ATXN1: variants seen among roughly 807,000 people sequenced by gnomAD.
ATXN1 encodes the protein ataxin-1.
Under a neutral mutation model 56.4 loss-of-function variants are expected in ATXN1, and 8 were observed. The observed-to-expected ratio is 0.14, with a 90% confidence interval of 0.08 to 0.26. The LOEUF is 0.26. ATXN1 is among the 10% of genes least tolerant of loss of function. The probability of loss-of-function intolerance (pLI) is 1.00; values close to 1 mark genes in which losing one functional copy is unlikely to be tolerated. For missense variants in ATXN1, 987 were observed against 1,106.5 expected (o/e 0.89, Z 1.53); for synonymous variants, 514 against 494.6 (o/e 1.04, Z -0.52).
intron 4 of ATXN1, among the ~76,000 whole-genome samples, chr6:16,578,498 C>T (rs1388266103): frequency 6.6e-6 from 1 of 152,210 alleles, no homozygotes; most frequent in African/African-American, 2.4e-5. Flanking sequence ...TTCTCTGTCA[C>T]TGTTATTCCC....
intron 7 of ATXN1, among the ~76,000 whole-genome samples, chr6:16,320,468 G>C (rs1760622690): frequency 6.6e-6 from 1 of 152,132 alleles, no homozygotes; most frequent in Non-Finnish European, 1.5e-5. Flanking sequence ...AGAAGCAAAG[G>C]AACGTGTCAA....
chr6:16,534,651 G>A (rs1299017721), intron 4 of ATXN1, among the ~76,000 whole-genome samples: 1 of 151,922 alleles, frequency 6.6e-6, no homozygotes, highest in African/African-American at 2.4e-5. Flanking sequence ...CTACACCACT[G>A]GTCCATTTCC....
chr6:16,394,526 T>G (rs1758415484), intron 6 of ATXN1, among the ~76,000 whole-genome samples: 1 of 152,216 alleles, frequency 6.6e-6, no homozygotes, highest in South Asian at 2.1e-4. Context: ...TAGCATATTT[T>G]TCACTTCAAA....
intron 4 of ATXN1, among the ~76,000 whole-genome samples, chr6:16,532,159 A>G (rs1268397068): frequency 1.3e-5 from 2 of 152,210 alleles, no homozygotes; most frequent in South Asian, 2.1e-4. Flanking sequence ...CAGTTTGTCA[A>G]TACCTGGTCT....
At chr6:16,708,794 G>C (rs927912346) in intron 2 of ATXN1, among the ~76,000 whole-genome samples, 1 of 152,180 alleles carries the variant, frequency 6.6e-6, no homozygotes, top group Non-Finnish European at 1.5e-5. Context: ...GGGAGGCCAA[G>C]GCAGGTGGAA....
chr6:16,342,566 C>T (rs1761274409), intron 6 of ATXN1, among the ~76,000 whole-genome samples: 1 of 152,178 alleles, frequency 6.6e-6, no homozygotes, highest in African/African-American at 2.4e-5. Flanking sequence ...ATATTCCACA[C>T]CCGTGTTCAT....
In ATXN1 at chr6:16,693,844, C is replaced by G. The variant is rs377583106; in HGVS notation, c.-614-35943G>C. Among the ~76,000 whole-genome samples the G allele has an allele frequency of 2.0e-5, 3 of 152,134 alleles. No individual in the cohort carries two copies. The East Asian group carries it at 5.8e-4, about 29-fold the overall frequency. On this transcript the variant is annotated intron_variant, in intron 2 of 7. Coordinates refer to ENST00000436367, the MANE Select transcript of ATXN1 (RefSeq NM_001128164.2). ...CACAGGCTCTCTGGTAACTGGAAGC[C>G]TCTCCTCACCAGTCCACCCCCAGTC...
chr6:16,668,124 C>T (rs1386376799), intron 2 of ATXN1, among the ~76,000 whole-genome samples: 12 of 152,196 alleles, frequency 7.9e-5, no homozygotes, highest in African/African-American at 2.4e-5. Flanking sequence ...AAATATCATG[C>T]TTGCTCTCAT....
intron 4 of ATXN1, among the ~76,000 whole-genome samples, chr6:16,544,338 T>C (rs1035492677): frequency 1.3e-5 from 2 of 152,196 alleles, no homozygotes; most frequent in African/African-American, 4.8e-5. Context: ...AAGTTGGGGC[T>C]CTGCTTGGGG....
intron 6 of ATXN1, among the ~76,000 whole-genome samples, chr6:16,331,417 G>A (rs1281989407): frequency 6.6e-6 from 1 of 152,188 alleles, no homozygotes; most frequent in Non-Finnish European, 1.5e-5. Flanking sequence ...TTAAGAAAGG[G>A]AATGCCAAAC....
intron 6 of ATXN1, among the ~76,000 whole-genome samples, chr6:16,461,368 T>C (rs1759992086): frequency 6.6e-6 from 1 of 152,214 alleles, no homozygotes; most frequent in Non-Finnish European, 1.5e-5. Context: ...CACATGGGTT[T>C]GAGAACACTC....
At chr6:16,459,122 C>T (rs1759940434) in intron 6 of ATXN1, among the ~76,000 whole-genome samples, 1 of 152,188 alleles carries the variant, frequency 6.6e-6, no homozygotes, top group Non-Finnish European at 1.5e-5. Context: ...ACATGCTTTT[C>T]TTATGCCTGA....
chr6:16,650,683 T>C (rs1471230249), intron 3 of ATXN1, among the ~76,000 whole-genome samples: 2 of 152,248 alleles, frequency 1.3e-5, no homozygotes, highest in Non-Finnish European at 2.9e-5. Flanking sequence ...GTAAACAGGC[T>C]GTAACCTATT....
chr6:16,564,014 A>G (rs1400754267), intron 4 of ATXN1, among the ~76,000 whole-genome samples: 2 of 152,306 alleles, frequency 1.3e-5, no homozygotes, highest in East Asian at 3.9e-4. Context: ...GAGTCAACAG[A>G]CAGCATGGAC....
intron 6 of ATXN1, among the ~76,000 whole-genome samples, chr6:16,417,360 G>A (rs1302448361): frequency 1.3e-5 from 2 of 151,932 alleles, no homozygotes; most frequent in East Asian, 3.9e-4. Context: ...TCCAAGTTAT[G>A]GCTTTTAATG....
intron 6 of ATXN1, among the ~76,000 whole-genome samples, chr6:16,378,835 T>C (rs1215268338): frequency 6.6e-6 from 1 of 152,156 alleles, no homozygotes; most frequent in Non-Finnish European, 1.5e-5. Flanking sequence ...GCTGGGAGTA[T>C]AGGCATGAGC....
chr6:16,710,042 A>G (rs1216639092), intron 2 of ATXN1, among the ~76,000 whole-genome samples: 1 of 152,214 alleles, frequency 6.6e-6, no homozygotes, highest in African/African-American at 2.4e-5. Flanking sequence ...TAGAAAAAAG[A>G]GAATAGAAGG....
At chr6:16,411,125 CAA>C (rs746717153) in intron 6 of ATXN1, among the ~76,000 whole-genome samples, 7,782 of 80,314 alleles carry the variant, frequency 0.097, 125 homozygotes, top group Middle Eastern at 0.15. Flanking sequence ...ACCTCTGTGT[CAA>C]AAAAAAAAAA....
chr6:16,643,252 CA>C (rs111830296), intron 3 of ATXN1, among the ~76,000 whole-genome samples: 388 of 106,404 alleles, frequency 3.6e-3, no homozygotes, highest in Middle Eastern at 6.3e-3. Context: ...ACTCCCAACT[CA>C]AAAAAAAAAA....
Sources: gnomAD v4.1 joint callset for allele counts (sites outside exome capture counted in the v4.1 genomes callset) on GRCh38, gnomAD v4.1.1 for gene constraint, MANE v1.5 for transcripts, NCBI Gene and HGNC (gene_info 2026-07-23, HGNC 2026-07-21) for gene names.